CPNE8: variants seen among roughly 807,000 people sequenced by gnomAD.
CPNE8 encodes the protein copine 8, also known as copine-8.
A neutral mutation model predicts 81.5 loss-of-function variants in CPNE8; 45 were observed. That is an observed-to-expected ratio of 0.55 (90% CI 0.44 to 0.71). CPNE8 has a LOEUF of 0.71. Ranked by LOEUF, CPNE8 falls within the 30% of genes least tolerant of loss-of-function variation. The pLI, the probability that CPNE8 is intolerant of heterozygous loss-of-function variation, is 0.00. For missense variants in CPNE8, 594 were observed against 672.1 expected (o/e 0.88, Z 1.28); for synonymous variants, 252 against 226.3 (o/e 1.11, Z -1.02).
At chr12:38,869,886 T>G (rs1044709908) in intron 3 of CPNE8, among the ~76,000 whole-genome samples, 2 of 152,254 alleles carry the variant, frequency 1.3e-5, no homozygotes, top group Non-Finnish European at 2.9e-5. Context: ...CAAAATACTC[T>G]GTTTTTTCTA....
intron 6 of CPNE8, among the ~76,000 whole-genome samples, chr12:38,805,585 G>T (rs1351832068): frequency 9.8e-6 from 1 of 102,484 alleles, no homozygotes; most frequent in African/African-American, 3.6e-5. Context: ...TGGGTGCAGC[G>T]CACCAGCATG....
In CPNE8 at chr12:38,836,194, A is replaced by G. The variant is rs117478940; in HGVS notation, c.330+3722T>C. On this transcript the variant is annotated intron_variant, in intron 5 of 19. Transcript: ENST00000331366. ...TATTTTGTTCACAGGGCCTAACAGT[A>G]TAGGGAAAAATATCTTAGTAAAGCT... Among the ~76,000 whole-genome samples, 32 of 152,310 alleles carry G rather than the reference A, an allele frequency of 2.1e-4. No individual in the cohort carries two copies. In the East Asian group the frequency reaches 6.2e-3, roughly 29 times the overall value.
intron 10 of CPNE8, among the ~76,000 whole-genome samples, chr12:38,736,608 AAATTTT>A (rs1327837850): frequency 6.6e-6 from 1 of 152,026 alleles, no homozygotes; most frequent in African/African-American, 2.4e-5. Flanking sequence ...GACATAATTT[AAATTTT>A]AACTCCACAT....
At chr12:38,902,397 A>AAG (rs1944500935) in intron 1 of CPNE8, among the ~76,000 whole-genome samples, 1 of 139,354 alleles carries the variant, frequency 7.2e-6, no homozygotes, top group Non-Finnish European at 1.5e-5. Flanking sequence ...AAGAAAGAGA[A>AAG]AGAAAGAAAG....
intron 10 of CPNE8, among the ~76,000 whole-genome samples, chr12:38,753,325 A>G (rs1941390774): frequency 6.6e-6 from 1 of 152,114 alleles, no homozygotes; most frequent in South Asian, 2.1e-4. Context: ...GGTGGTAGAC[A>G]CCAGTAATCC....
intron 3 of CPNE8, among the ~76,000 whole-genome samples, chr12:38,854,720 G>A (rs1460683639): frequency 6.6e-6 from 1 of 152,046 alleles, no homozygotes; most frequent in African/African-American, 2.4e-5. Flanking sequence ...ATTAAAGAAA[G>A]TTTCCAGATA....
At chr12:38,742,340 A>C (rs1941126801) in intron 10 of CPNE8, among the ~76,000 whole-genome samples, 1 of 152,136 alleles carries the variant, frequency 6.6e-6, no homozygotes. Context: ...ACGGAATACT[A>C]TGCAGCCATA....
intron 19 of CPNE8, among the ~76,000 whole-genome samples, chr12:38,656,220 T>C (rs867327332): frequency 4.0e-5 from 6 of 151,860 alleles, no homozygotes; most frequent in African/African-American, 1.2e-4. Context: ...TATCTAATTG[T>C]AACTATAATT....
At chr12:38,898,257 A>G (rs750133729) in intron 1 of CPNE8, among the ~76,000 whole-genome samples, 1 of 152,168 alleles carries the variant, frequency 6.6e-6, no homozygotes, top group Non-Finnish European at 1.5e-5. Context: ...GCTAAAAAAC[A>G]CAGGCAGACC....
intron 10 of CPNE8, among the ~76,000 whole-genome samples, chr12:38,745,653 C>G (rs963923732): frequency 5.9e-5 from 9 of 152,128 alleles, no homozygotes; most frequent in Admixed American, 5.9e-4. Context: ...AGCGATCCTC[C>G]CACCTCAGCC....
At chr12:38,744,707 T>C (rs550877185) in intron 10 of CPNE8, among the ~76,000 whole-genome samples, 1 of 152,296 alleles carries the variant, frequency 6.6e-6, no homozygotes, top group South Asian at 2.1e-4. Flanking sequence ...GCTGAACTTC[T>C]ATTCATTTAT....
intron 5 of CPNE8, among the ~76,000 whole-genome samples, chr12:38,836,514 C>A (rs1029138109): frequency 6.6e-6 from 1 of 151,892 alleles, no homozygotes. Context: ...AGAGAAAATT[C>A]TTTCAAAATT....
At chr12:38,739,148 A>G (rs944466184) in intron 10 of CPNE8, among the ~76,000 whole-genome samples, 1 of 152,056 alleles carries the variant, frequency 6.6e-6, no homozygotes, top group Admixed American at 6.6e-5. Flanking sequence ...GGGGAAACAA[A>G]CTTCTTAGAT....
At chr12:38,759,671 T>C (rs1025242100) in intron 10 of CPNE8, among the ~76,000 whole-genome samples, 3 of 152,200 alleles carry the variant, frequency 2.0e-5, no homozygotes, top group Admixed American at 2.0e-4. Flanking sequence ...ACTTATTTGG[T>C]AGCAGCTAAA....
chr12:38,768,882 CAA>C (rs1418732833), intron 7 of CPNE8, among the ~76,000 whole-genome samples: 6 of 152,062 alleles, frequency 3.9e-5, no homozygotes, highest in Non-Finnish European at 8.8e-5. Context: ...TCAGATTAAA[CAA>C]AGAGGTTACA....
intron 4 of CPNE8, among the ~76,000 whole-genome samples, chr12:38,845,693 GATA>G (rs1296179110): frequency 6.6e-6 from 1 of 151,882 alleles, no homozygotes; most frequent in Non-Finnish European, 1.5e-5. Context: ...TAATAATGAT[GATA>G]ATAATAATAA....
At chr12:38,786,141 C>T (rs1267183442) in intron 6 of CPNE8, among the ~76,000 whole-genome samples, 1 of 152,000 alleles carries the variant, frequency 6.6e-6, no homozygotes, top group Non-Finnish European at 1.5e-5. Context: ...AAAACAAAGC[C>T]CAATGTTCTG....
chr12:38,653,016 A>G lies in CPNE8; in HGVS notation c.*866T>C, dbSNP rs1359263767. Reference sequence around the variant, plus strand: ...ATAAAAAGTTTAAAACATCTGCTACATAGTTCACAGTTAAATAGTCTTGGT... The same window carrying G: ...ATAAAAAGTTTAAAACATCTGCTACGTAGTTCACAGTTAAATAGTCTTGGT... On this transcript the variant is annotated 3_prime_UTR_variant, in exon 20 of 20. Coordinates refer to ENST00000331366, the MANE Select transcript of CPNE8 (RefSeq NM_153634.3). 2 of 152,626 alleles carry G rather than the reference A, an allele frequency of 1.3e-5. No homozygotes were observed. Among genetic ancestry groups the G allele is most frequent in the Non-Finnish European group, 2.9e-5 (2 of 68,024 alleles). 9.5% of individuals were successfully genotyped at this position (152,626 alleles called of 1,614,324 possible). A position where few individuals can be genotyped will look rare whatever the true frequency, so the allele number is the denominator to read the frequency against.
chr12:38,685,884 TAAG>T (rs1939522756), intron 15 of CPNE8, among the ~76,000 whole-genome samples: 1 of 152,084 alleles, frequency 6.6e-6, no homozygotes, highest in South Asian at 2.1e-4. Flanking sequence ...AAATTTTAAA[TAAG>T]AAGTTGAACA....
Sources: gnomAD v4.1 joint callset for allele counts (sites outside exome capture counted in the v4.1 genomes callset) on GRCh38, gnomAD v4.1.1 for gene constraint, MANE v1.5 for transcripts, NCBI Gene and HGNC (gene_info 2026-07-23, HGNC 2026-07-21) for gene names.